The following PRKCE variants were observed in gnomAD, a reference collection of about 807,000 sequenced individuals.
PRKCE encodes the protein protein kinase C epsilon type.
A neutral mutation model predicts 85.4 loss-of-function variants in PRKCE; 16 were observed. The ratio of observed to expected loss-of-function variants is 0.19; its 90% CI spans 0.13 to 0.28. The LOEUF (loss-of-function observed/expected upper bound fraction) is 0.28. PRKCE is among the 10% of genes least tolerant of loss of function. The probability of loss-of-function intolerance (pLI) is 1.00; values close to 1 mark genes in which losing one functional copy is unlikely to be tolerated. For synonymous variants in PRKCE, 388 were observed against 371.5 expected, an observed-to-expected ratio of 1.04 and a Z score of -0.51; for missense variants, 573 against 975.2, an observed-to-expected ratio of 0.59 and a Z score of 5.49.
intron 2 of PRKCE, among the ~76,000 whole-genome samples, chr2:45,957,056 A>G (rs1701022404): frequency 6.6e-6 from 1 of 152,146 alleles, no homozygotes; most frequent in African/African-American, 2.4e-5. Context: ...CAGATGTGTG[A>G]TTTGCAAATA....
chr2:46,009,370 CATA>C (rs1208423582), intron 9 of PRKCE, among the ~76,000 whole-genome samples: 3 of 152,058 alleles, frequency 2.0e-5, no homozygotes, highest in African/African-American at 4.8e-5. Flanking sequence ...ATGATAGCAG[CATA>C]ATTAGACAAA....
chr2:45,669,234 A>G (rs1378749658), intron 1 of PRKCE, among the ~76,000 whole-genome samples: 1 of 152,194 alleles, frequency 6.6e-6, no homozygotes, highest in African/African-American at 2.4e-5. Flanking sequence ...TAAGGGGAAA[A>G]GGGGAGGAAG....
chr2:45,966,317 C>G (rs941169266), intron 2 of PRKCE, among the ~76,000 whole-genome samples: 5 of 152,170 alleles, frequency 3.3e-5, no homozygotes, highest in African/African-American at 1.2e-4. Context: ...GAGATACTAT[C>G]TCGCACGTGT....
intron 13 of PRKCE, among the ~76,000 whole-genome samples, chr2:46,153,840 G>A (rs1388430333): frequency 7.3e-6 from 1 of 137,114 alleles, no homozygotes; most frequent in Admixed American, 8.1e-5. Context: ...AGGCTGGAGT[G>A]CAGCGGCACG....
At chr2:45,752,008 G>A (rs572791662) in intron 1 of PRKCE, among the ~76,000 whole-genome samples, 372 of 148,996 alleles carry the variant, frequency 2.5e-3, no homozygotes, top group Non-Finnish European at 4.2e-3. Context: ...TAGTAGAGAC[G>A]GGGTTTCACC....
chr2:45,896,727 A>G (rs1047506651), intron 2 of PRKCE, among the ~76,000 whole-genome samples: 2 of 152,204 alleles, frequency 1.3e-5, no homozygotes, highest in African/African-American at 4.8e-5. Flanking sequence ...TGCTCTCCTG[A>G]GTAACCAACA....
At chr2:46,019,799 C>G (rs1706484233) in intron 10 of PRKCE, among the ~76,000 whole-genome samples, 1 of 151,410 alleles carries the variant, frequency 6.6e-6, no homozygotes, top group Non-Finnish European at 1.5e-5. Context: ...ATATATTTAC[C>G]CATTCTCCTA....
At chr2:45,709,783 T>A (rs968540286) in intron 1 of PRKCE, among the ~76,000 whole-genome samples, 5 of 151,990 alleles carry the variant, frequency 3.3e-5, no homozygotes, top group Non-Finnish European at 7.4e-5. Context: ...CTGGGAGAGA[T>A]GTCTCCTGTC....
intron 2 of PRKCE, among the ~76,000 whole-genome samples, chr2:45,933,978 A>G (rs1197173077): frequency 6.6e-6 from 1 of 152,160 alleles, no homozygotes; most frequent in Non-Finnish European, 1.5e-5. Flanking sequence ...TGTGAATTTT[A>G]TCCAGTGAAT....
chr2:45,905,146 G>A lies in PRKCE; in HGVS notation c.412+62083G>A, dbSNP rs576799210. 3.9e-5 allele frequency among the ~76,000 whole-genome samples: 6 copies of A among 152,336 alleles called. No individual in the cohort carries two copies. The highest frequency in any genetic ancestry group is 4.1e-4 in the South Asian group (2 of 4,828). On this transcript the variant is annotated intron_variant, in intron 2 of 14. Transcript: ENST00000306156. This position sits in a 1 kb window ranked among gnomAD's most constrained non-coding sequence, Gnocchi z 4.4. Reference sequence around the variant, plus strand: ...ATTCAGAGTAATGCTGGGGCAGGCCGTAGTCCAGGCCATCTCACACTGGCT... The same window carrying A: ...ATTCAGAGTAATGCTGGGGCAGGCCATAGTCCAGGCCATCTCACACTGGCT...
chr2:45,661,523 G>GT (rs367628974), intron 1 of PRKCE, among the ~76,000 whole-genome samples: 42,292 of 93,398 alleles, frequency 0.45, 11,808 homozygotes, highest in Non-Finnish European at 0.6. Flanking sequence ...TTTGTTTTTT[G>GT]TTTTTTGTTT....
intron 2 of PRKCE, among the ~76,000 whole-genome samples, chr2:45,960,551 C>A (rs1298990677): frequency 6.6e-6 from 1 of 152,142 alleles, no homozygotes; most frequent in African/African-American, 2.4e-5. Context: ...AGGGTTCCCG[C>A]TCCTATGAGA....
intron 10 of PRKCE, among the ~76,000 whole-genome samples, chr2:46,074,279 G>T (rs1327411843): frequency 6.6e-6 from 1 of 152,016 alleles, no homozygotes; most frequent in Non-Finnish European, 1.5e-5. Context: ...TTATATACAT[G>T]AGATTGAAAA....
At chr2:45,749,468 C>A (rs1683381040) in intron 1 of PRKCE, among the ~76,000 whole-genome samples, 2 of 152,154 alleles carry the variant, frequency 1.3e-5, no homozygotes, top group Non-Finnish European at 2.9e-5. Context: ...GGACACAGCC[C>A]AATCTCTTGG....
At chr2:45,752,018 C>T (rs1299889355) in intron 1 of PRKCE, among the ~76,000 whole-genome samples, 5 of 149,548 alleles carry the variant, frequency 3.3e-5, no homozygotes, top group Admixed American at 6.6e-5. Context: ...GGGGTTTCAC[C>T]GTTTTAGCCG....
At chr2:45,927,942 G>C (rs527284206) in intron 2 of PRKCE, among the ~76,000 whole-genome samples, 1 of 152,132 alleles carries the variant, frequency 6.6e-6, no homozygotes, top group African/African-American at 2.4e-5. Flanking sequence ...AGGGTGGGGG[G>C]GCCTGGGTGG....
Position 46,138,203 on chromosome 2 carries a change from C to A in PRKCE, c.1593-6890C>A, listed in dbSNP as rs1344615207. Among the ~76,000 whole-genome samples the A allele has an allele frequency of 2.6e-5, 4 of 152,216 alleles. No individual in the cohort carries two copies. The East Asian group carries it at 7.7e-4, about 29-fold the overall frequency. ...TGTGCCATCCTGCCTTGAAGTGGGT[C>A]TGCCCTGGTAGAGTCTGTGATCCCT... is the stretch of plus-strand genomic sequence containing the variant. On this transcript the variant is annotated intron_variant, in intron 11 of 14. Coordinates refer to ENST00000306156, the MANE Select transcript of PRKCE (RefSeq NM_005400.3). The surrounding 1 kb of genome is among the most constrained non-coding windows in gnomAD (Gnocchi z 4.2).
intron 11 of PRKCE, among the ~76,000 whole-genome samples, chr2:46,095,104 T>C (rs1183367014): frequency 6.6e-6 from 1 of 152,242 alleles, no homozygotes; most frequent in Non-Finnish European, 1.5e-5. Flanking sequence ...TGATTCTTTC[T>C]CTTCTGTTTT....
At chr2:45,755,479 G>A (rs1297057494) in intron 1 of PRKCE, among the ~76,000 whole-genome samples, 1 of 152,198 alleles carries the variant, frequency 6.6e-6, no homozygotes, top group Non-Finnish European at 1.5e-5. Context: ...TACGGTGACT[G>A]CTAATGGCTG....
Sources: gnomAD v4.1 joint callset for allele counts (sites outside exome capture counted in the v4.1 genomes callset) on GRCh38, gnomAD v4.1.1 for gene constraint, Gnocchi (gnomAD v3.1) non-coding constraint, MANE v1.5 for transcripts, NCBI Gene and HGNC (gene_info 2026-07-23, HGNC 2026-07-21) for gene names.